Variants in TMF1 observed in about 807,000 individuals in gnomAD.
TMF1 encodes TATA element modulatory factor 1.
A neutral mutation model predicts 126.5 loss-of-function variants in TMF1; 71 were observed. That is an observed-to-expected ratio of 0.56 (90% confidence interval 0.46 to 0.68). TMF1 has a LOEUF of 0.68. Among genes scored for constraint, TMF1 ranks in the 30% least tolerant of loss-of-function variants. The pLI, the probability that TMF1 is intolerant of heterozygous loss-of-function variation, is 0.00. For missense variants in TMF1, 1,259 were observed against 1,253.2 expected (o/e 1.00, Z -0.07); for synonymous variants, 461 against 430.5 (o/e 1.07, Z -0.88).
chr3:69,032,515 G>C (rs2091808311), intron 10 of TMF1, among the ~76,000 whole-genome samples: 1 of 152,024 alleles, frequency 6.6e-6, no homozygotes, highest in Admixed American at 6.6e-5. Flanking sequence ...CTAGCTGTCT[G>C]TGCTTGAAGG....
intron 6 of TMF1, 116 bp from the exon 7 acceptor site, chr3:69,039,125 C>G: frequency 1.1e-6 from 1 of 950,536 alleles, no homozygotes; most frequent in Non-Finnish European, 1.5e-6. Flanking sequence ...GAGACAAAGT[C>G]TCGCTCTATT....
chr3:69,026,091 T>C lies in TMF1; in HGVS notation c.2764A>G (p.Lys922Glu). ...TQETIKEKER[K>E]PFSVSSTPTM... is the part of the protein sequence containing the mutation. ...GGAGTGCTAGAAACAGAAAATGGCT[T>C]GCGTTCCTTAGGGAGTAAAAAAAAT... is the stretch of plus-strand genomic sequence containing the variant. The change falls in exon 14 of 17, where the codon AAG (lysine) becomes GAG (glutamate). Residue 922 changes from lysine (K) to glutamate (E), a missense_variant. By Grantham distance (56) the Lys-to-Glu change is moderately conservative (BLOSUM62 1). Coordinates refer to ENST00000398559, the MANE Select transcript of TMF1 (RefSeq NM_007114.3). 6.2e-7 allele frequency: 1 copy of C among 1,613,432 alleles called. No individual in the cohort carries two copies. The highest frequency in any genetic ancestry group is 8.5e-7 in the Non-Finnish European group (1 of 1,179,594).
At chr3:69,034,162 T>TATCTAACTAAGTACTA (rs2091820006) in intron 9 of TMF1, among the ~76,000 whole-genome samples, 1 of 152,126 alleles carries the variant, frequency 6.6e-6, no homozygotes, top group Non-Finnish European at 1.5e-5. Context: ...TTAGATTGTG[T>TATCTAACTAAGTACTA]AATACAGTAT....
At chr3:69,050,673 C>G (rs1026614658) in intron 1 of TMF1, among the ~76,000 whole-genome samples, 2 of 152,122 alleles carry the variant, frequency 1.3e-5, no homozygotes, top group African/African-American at 4.8e-5. Context: ...AGAGTTACTC[C>G]AGCAAGGTTA....
Position 69,031,357 on chromosome 3 carries a change from G to A in TMF1, c.2402-1350C>T, listed in dbSNP as rs529983439. On this transcript the variant is annotated intron_variant, in intron 10 of 16. Coordinates refer to ENST00000398559, the MANE Select transcript of TMF1 (RefSeq NM_007114.3). ...CTAACAGGAAGGACTCAATAGTGTTGGAACTGTTCAATATCTTGACTATGG... is the reference window on the plus strand; with the variant it reads ...CTAACAGGAAGGACTCAATAGTGTTAGAACTGTTCAATATCTTGACTATGG... 7.3e-4 allele frequency among the ~76,000 whole-genome samples: 111 copies of A among 152,096 alleles called. 2 individuals carry two copies. The highest frequency in any genetic ancestry group is 2.4e-3 in the African/African-American group (101 of 41,498).
In TMF1 at chr3:69,048,112, T is replaced by A; in HGVS notation, c.593A>T (p.Glu198Val). Residue 198 changes from glutamate (E) to valine (V), a missense_variant, in exon 2 of 17, where the codon GAA (glutamate) becomes GTA (valine). Coordinates refer to ENST00000398559, the MANE Select transcript of TMF1 (RefSeq NM_007114.3). ...AGTTGTTTTCACATCAATTACACTTTCAGATACTTTCAAACTTACAGTTGG... is the reference window on the plus strand; with the variant it reads ...AGTTGTTTTCACATCAATTACACTTACAGATACTTTCAAACTTACAGTTGG... ...KVPTVSLKVS[E>V]SVIDVKTTME... The A allele has an allele frequency of 6.2e-7, 1 of 1,614,236 alleles. No homozygotes were observed. Among genetic ancestry groups the A allele is most frequent in the Non-Finnish European group, 8.5e-7 (1 of 1,180,042 alleles).
Position 69,021,494 on chromosome 3 carries a change from C to T in TMF1, c.*1683G>A, listed in dbSNP as rs1254608693. The T allele has an allele frequency of 6.6e-6, 1 of 152,454 alleles. No homozygotes were observed. The highest frequency in any genetic ancestry group is 2.4e-5 in the African/African-American group (1 of 41,372). The allele number at this position is 152,454 out of a possible 1,614,324, so 9.4% of individuals were successfully genotyped here. ...ATTAATTTTATGAATCTGGCTCACA[C>T]TGAAAGAATATTTATTAACACTACC... On this transcript the variant is annotated 3_prime_UTR_variant, in exon 17 of 17. Coordinates refer to ENST00000398559, the MANE Select transcript of TMF1 (RefSeq NM_007114.3).
At position 69,039,006 on chromosome 3, in the gene TMF1, G is replaced by A. The variant is rs1162887217; in HGVS notation, c.1831C>T (p.Leu611Phe). 2 of 1,559,582 alleles carry A rather than the reference G, an allele frequency of 1.3e-6. No individual in the cohort carries two copies. The highest frequency in any genetic ancestry group is 1.7e-6 in the Non-Finnish European group (2 of 1,155,170). The stretch of plus-strand genomic sequence containing the variant: ...TTCTCAACCTCTTCTTTGCCATCAA[G>A]GACCTATATGTTATAAAAACAGACA... ...EEELQHLKQV[L>F]DGKEEVEKQH... is the part of the protein sequence containing the mutation. The change falls in exon 7 of 17, where the codon CTT (leucine) becomes TTT (phenylalanine). Residue 611 changes from leucine to phenylalanine, a missense_variant. By Grantham distance (22) the Leu-to-Phe change is conservative. Transcript: ENST00000398559.
chr3:69,030,033 C>G, intron 10 of TMF1, 26 bp from the exon 11 acceptor site: 1 of 1,577,672 alleles, frequency 6.3e-7, no homozygotes, highest in South Asian at 1.2e-5. Context: ...AAAAAAAAAT[C>G]ACATACACAT....
In TMF1 at chr3:69,044,615, A is replaced by G. The variant is rs746843152; in HGVS notation, c.1348-20T>C. 2 of 1,528,916 alleles carry G rather than the reference A, an allele frequency of 1.3e-6. No homozygotes were observed. The highest frequency in any genetic ancestry group is 1.9e-5 in the Admixed American group (1 of 51,634). 94.7% of individuals were successfully genotyped at this position (1,528,916 alleles called of 1,614,324 possible). On this transcript the variant is annotated intron_variant, in intron 2 of 16. Coordinates refer to ENST00000398559, the MANE Select transcript of TMF1 (RefSeq NM_007114.3). ...AACTGTCTGGATAAGGCGAATACAT[A>G]AAAGTCAGAACGCTTAGCTTTAAAA...
At chr3:69,031,903 T>C (rs1228289677) in intron 10 of TMF1, among the ~76,000 whole-genome samples, 1 of 152,200 alleles carries the variant, frequency 6.6e-6, no homozygotes. Context: ...CTAGCATTCA[T>C]TTATTGCTAA....
rs1444975398 is a variant in TMF1 at position 69,052,260 on chromosome 3, C to T, written c.-174G>A. On this transcript the variant is annotated 5_prime_UTR_variant, in exon 1 of 17. Coordinates refer to ENST00000398559, the MANE Select transcript of TMF1 (RefSeq NM_007114.3). ...CCCGGGATGTTACCCTCGGCCGTTC[C>T]CGCACAGCTGAGACGAAGGGGGCCC... is the stretch of plus-strand genomic sequence containing the variant. 2 of 626,052 alleles carry T rather than the reference C, an allele frequency of 3.2e-6. No individual in the cohort carries two copies. The highest frequency in any genetic ancestry group is 4.5e-5 in the South Asian group (2 of 43,964). The allele number at this position is 626,052 out of a possible 1,614,324, so 38.8% of individuals were successfully genotyped here.
At position 69,020,442 on chromosome 3, in the gene TMF1, ACAAC is replaced by A. The variant is rs1224958094; in HGVS notation, c.*2731_*2734del. The A allele has an allele frequency of 6.6e-6, 1 of 152,160 alleles. No individual in the cohort carries two copies. Among genetic ancestry groups the A allele is most frequent in the Admixed American group, 6.5e-5 (1 of 15,274 alleles). The allele number at this position is 152,160 out of a possible 1,614,324, so 9.4% of individuals were successfully genotyped here. On this transcript the variant is annotated 3_prime_UTR_variant, in exon 17 of 17. Transcript: ENST00000398559. ...TGCTTAATTGTCTATAAATGACCAA[ACAAC>A]CTTCCCTTTGTTTACTCATTTTTTT...
At position 69,048,422 on chromosome 3, in the gene TMF1, T is replaced by C. The variant is rs572704882; in HGVS notation, c.283A>G (p.Asn95Asp). 6.8e-6 allele frequency: 11 copies of C among 1,614,114 alleles called. No individual in the cohort carries two copies. The South Asian group carries it at 8.8e-5, about 13-fold the overall frequency. Residue 95 changes from asparagine (N) to aspartate (D), a missense_variant, in exon 2 of 17, where the codon AAT (asparagine) becomes GAT (aspartate). Transcript: ENST00000398559. ...VRRTVVDESE[N>D]FFSAFLSPTD... ...GGCGAGAGAAAGGCACTGAAGAAAT[T>C]TTCAGATTCATCGACCACAGTCCTC... is the stretch of plus-strand genomic sequence containing the variant.
chr3:69,023,251 G>A lies in TMF1; in HGVS notation c.3208C>T (p.Arg1070Ter), dbSNP rs760508304. The change falls in exon 17 of 17, where the codon CGA becomes TGA. Residue 1070 changes from arginine to a stop codon, truncating the protein, a stop_gained. Coordinates refer to ENST00000398559, the MANE Select transcript of TMF1 (RefSeq NM_007114.3). LOFTEE classifies it high-confidence loss of function. Reference protein sequence around the residue: ...GEKAEEAEELRLDLEDVKNMY... With the variant: ...GEKAEEAEEL ...TTTTTTACATCTTCGAGATCTAATC[G>A]AAGTTCTTCTGCCTCTTCTGCTTTT... 9 of 1,611,216 alleles carry A rather than the reference G, an allele frequency of 5.6e-6. No individual in the cohort carries two copies. Among genetic ancestry groups the A allele is most frequent in the Admixed American group, 1.7e-5 (1 of 59,820 alleles).
At chr3:69,042,529 A>G (rs1015491471) in intron 5 of TMF1, 8 of 552,504 alleles carry the variant, frequency 1.4e-5, no homozygotes, top group African/African-American at 1.3e-4. Context: ...GGCTCTTAAG[A>G]CCTGTTTAAA....
intron 5 of TMF1, among the ~76,000 whole-genome samples, chr3:69,040,685 T>C (rs1363173641): frequency 1.1e-4 from 17 of 152,142 alleles, no homozygotes. Context: ...CCAGCACTTT[T>C]GGGAAGCAGG....
chr3:69,026,951 T>TA (rs2091770985), intron 13 of TMF1, among the ~76,000 whole-genome samples: 2 of 152,194 alleles, frequency 1.3e-5, no homozygotes, highest in African/African-American at 4.8e-5. Flanking sequence ...TAACTCCAAG[T>TA]ACACGGTAAT....
At chr3:69,046,454 G>A (rs1559635109) in intron 2 of TMF1, among the ~76,000 whole-genome samples, 1 of 152,080 alleles carries the variant, frequency 6.6e-6, no homozygotes, top group African/African-American at 2.4e-5. Flanking sequence ...ATTACTAATT[G>A]AAATATTATT....
Sources: allele counts gnomAD v4.1 joint callset (sites outside exome capture counted in the v4.1 genomes callset), GRCh38; gene constraint gnomAD v4.1.1; transcripts MANE v1.5; gene names NCBI Gene and HGNC (gene_info 2026-07-23, HGNC 2026-07-21).